NAALADL2: variants seen among roughly 807,000 people sequenced by gnomAD.
NAALADL2 encodes the protein N-acetylated alpha-linked acidic dipeptidase like 2.
Under a neutral mutation model 87.2 loss-of-function variants are expected in NAALADL2, and 76 were observed. The ratio of observed to expected loss-of-function variants is 0.87; its 90% CI spans 0.72 to 1.05. The LOEUF (loss-of-function observed/expected upper bound fraction) is 1.05. Ranked by LOEUF, NAALADL2 falls within the 50% of genes least tolerant of loss-of-function variation. NAALADL2 has a pLI of 0.00. For missense variants in NAALADL2, 1,089 were observed against 945.8 expected, an observed-to-expected ratio of 1.15 and a Z score of -1.99; for synonymous variants, 354 against 331.0, an observed-to-expected ratio of 1.07 and a Z score of -0.75.
At chr3:174,531,400 C>G (rs1372042369) in intron 1 of NAALADL2, among the ~76,000 whole-genome samples, 1 of 152,066 alleles carries the variant, frequency 6.6e-6, no homozygotes, top group Non-Finnish European at 1.5e-5. Flanking sequence ...TGTGAAGAGG[C>G]ACTGTGCATC....
chr3:175,584,284 A>G (rs943869120), intron 10 of NAALADL2, among the ~76,000 whole-genome samples: 2 of 151,802 alleles, frequency 1.3e-5, no homozygotes, highest in Non-Finnish European at 2.9e-5. Flanking sequence ...TCATCCACCC[A>G]CCTTGTCCTC....
At chr3:174,500,155 G>A (rs1718795913) in intron 1 of NAALADL2, among the ~76,000 whole-genome samples, 1 of 151,518 alleles carries the variant, frequency 6.6e-6, no homozygotes, top group African/African-American at 2.4e-5. Context: ...CAAATTTATC[G>A]TTAAATATTT....
chr3:174,479,405 A>T (rs910509762), intron 1 of NAALADL2, among the ~76,000 whole-genome samples: 3 of 152,136 alleles, frequency 2.0e-5, no homozygotes, highest in African/African-American at 7.2e-5. Context: ...TCATATAAGA[A>T]AACTGAAGCT....
chr3:175,183,977 C>T (rs1736973407), intron 2 of NAALADL2, among the ~76,000 whole-genome samples: 1 of 137,458 alleles, frequency 7.3e-6, no homozygotes, highest in Non-Finnish European at 1.6e-5. Context: ...GAGACTGTTT[C>T]CCTTTATTTT....
chr3:174,975,465 G>A (rs1744239241), intron 1 of NAALADL2, among the ~76,000 whole-genome samples: 1 of 152,034 alleles, frequency 6.6e-6, no homozygotes, highest in Non-Finnish European at 1.5e-5. Context: ...ACCTTGTATA[G>A]GTTGATGCAA....
chr3:175,103,655 A>G (rs975818517), intron 2 of NAALADL2, among the ~76,000 whole-genome samples: 18 of 152,190 alleles, frequency 1.2e-4, no homozygotes, highest in African/African-American at 3.4e-4. Flanking sequence ...TTCTTATCCT[A>G]TGATATAGCT....
Position 175,097,015 on chromosome 3 carries a change from C to G in NAALADL2, c.269C>G (p.Ala90Gly). 1 of 1,613,594 alleles carries G rather than the reference C, an allele frequency of 6.2e-7. No individual in the cohort carries two copies. The highest frequency in any genetic ancestry group is 8.5e-7 in the Non-Finnish European group (1 of 1,179,688). Residue 90 changes from alanine to glycine, a missense_variant, in exon 2 of 14, where the codon GCA (alanine) becomes GGA (glycine). Ala to Gly is a moderately conservative substitution (Grantham distance 60). Coordinates refer to ENST00000454872, the MANE Select transcript of NAALADL2 (RefSeq NM_207015.3). ...CTCAATCTTGATTCCATTCAACCAG[C>G]AACTTCACCCAAAGGAAGGTTCCAG... ...IDLNLDSIQP[A>G]TSPKGRFQRL...
At position 175,654,352 on chromosome 3, in the gene NAALADL2, G is replaced by A. The variant is rs560132173; in HGVS notation, c.1896+26966G>A. On this transcript the variant is annotated intron_variant, in intron 11 of 13. Transcript: ENST00000454872. ...CTTGATGGCATCTAGGAATTCGTCT[G>A]CTGCCTCTTGGTTGGCAGAAGCAGC... is the stretch of plus-strand genomic sequence containing the variant. Among the ~76,000 whole-genome samples the A allele has an allele frequency of 5.3e-5, 8 of 152,176 alleles. No homozygotes were observed. The East Asian group carries it at 1.4e-3, about 26-fold the overall frequency.
intron 2 of NAALADL2, among the ~76,000 whole-genome samples, chr3:175,206,244 C>CTATATATATATATATATATATA (rs200530639): frequency 9.3e-6 from 1 of 107,964 alleles, no homozygotes; most frequent in Admixed American, 1.0e-4. Flanking sequence ...GGATAAAAAA[C>CTATATATATATATATATATATA]TATATATATA....
At chr3:174,666,285 G>A (rs1725949239) in intron 2 of NAALADL2, among the ~76,000 whole-genome samples, 1 of 152,070 alleles carries the variant, frequency 6.6e-6, no homozygotes, top group African/African-American at 2.4e-5. Flanking sequence ...ATGTACTACA[G>A]GTGCCATAGA....
intron 9 of NAALADL2, among the ~76,000 whole-genome samples, chr3:175,568,331 G>A (rs1477608849): frequency 2.6e-5 from 4 of 152,010 alleles, no homozygotes; most frequent in African/African-American, 7.2e-5. Context: ...AATAAATGAA[G>A]AATACATGGC....
At chr3:174,479,808 G>GT (rs796561347) in intron 1 of NAALADL2, among the ~76,000 whole-genome samples, 13 of 150,586 alleles carry the variant, frequency 8.6e-5, no homozygotes, top group South Asian at 2.1e-4. Context: ...AGAATCAGGT[G>GT]TTTTTTTTTC....
At position 175,808,697 on chromosome 3, in the gene NAALADL2, CAT is replaced by C. The variant is rs1159064539; in HGVS notation, c.*5497_*5498del. 6.6e-6 allele frequency: 1 copy of C among 151,968 alleles called. No individual in the cohort carries two copies. The highest frequency in any genetic ancestry group is 1.5e-5 in the Non-Finnish European group (1 of 67,938). The allele number at this position is 151,968 out of a possible 1,614,324, so 9.4% of individuals were successfully genotyped here. On this transcript the variant is annotated 3_prime_UTR_variant, in exon 14 of 14. Transcript: ENST00000454872. Reference sequence around the variant, plus strand: ...GATCACACAGGTGCCTGTATCATGCCATATGTCATGTGCTATATTCCTGCAAG... The same window carrying C: ...GATCACACAGGTGCCTGTATCATGCCATGTCATGTGCTATATTCCTGCAAG...
intron 10 of NAALADL2, among the ~76,000 whole-genome samples, chr3:175,608,996 ATTT>A (rs55666834): frequency 2.4e-3 from 357 of 148,846 alleles, no homozygotes; most frequent in Admixed American, 2.6e-3. Flanking sequence ...GCCCAGTGTG[ATTT>A]TTTTTTTTTT....
intron 5 of NAALADL2, among the ~76,000 whole-genome samples, chr3:175,414,855 A>G (rs1714282619): frequency 6.6e-6 from 1 of 152,174 alleles, no homozygotes; most frequent in East Asian, 1.9e-4. Flanking sequence ...CTTACAGCTC[A>G]CTTTGCAAAG....
At chr3:175,096,438 A>G (rs1307202268) in intron 1 of NAALADL2, among the ~76,000 whole-genome samples, 2 of 151,622 alleles carry the variant, frequency 1.3e-5, no homozygotes, top group African/African-American at 4.8e-5. Context: ...TCATCCTTCA[A>G]TGTAATTGTA....
intron 3 of NAALADL2, among the ~76,000 whole-genome samples, chr3:174,796,438 A>C (rs13434207): frequency 0.04 from 6,121 of 152,100 alleles, 429 homozygotes; most frequent in African/African-American, 0.14. Context: ...ATGTGTATTC[A>C]TTATTTAGCT....
At chr3:175,173,608 G>A (rs989805889) in intron 2 of NAALADL2, among the ~76,000 whole-genome samples, 2 of 152,198 alleles carry the variant, frequency 1.3e-5, no homozygotes, top group African/African-American at 4.8e-5. Context: ...TTTGATACAT[G>A]TTTTCCAACT....
At chr3:174,715,619 C>A (rs1292260135) in intron 2 of NAALADL2, among the ~76,000 whole-genome samples, 1 of 152,098 alleles carries the variant, frequency 6.6e-6, no homozygotes, top group African/African-American at 2.4e-5. Context: ...TCAGCAAAAG[C>A]CCAGTTTCAA....
Sources: gnomAD v4.1 joint callset for allele counts (sites outside exome capture counted in the v4.1 genomes callset) on GRCh38, gnomAD v4.1.1 for gene constraint, MANE v1.5 for transcripts, NCBI Gene and HGNC (gene_info 2026-07-23, HGNC 2026-07-21) for gene names.